Variants in FIG4 observed in about 807,000 individuals in gnomAD.
FIG4 encodes polyphosphoinositide phosphatase.
FIG4 carries 112 observed loss-of-function variants against 118.6 expected under a neutral mutation model. The ratio of observed to expected loss-of-function variants is 0.94; its 90% CI spans 0.81 to 1.11. FIG4 has a LOEUF of 1.11. FIG4 is among the 50% of genes least tolerant of loss of function. The pLI, the probability that FIG4 is intolerant of heterozygous loss-of-function variation, is 0.00. For missense variants in FIG4, 969 were observed against 1,111.7 expected, an observed-to-expected ratio of 0.87 and a Z score of 1.83; for synonymous variants, 369 against 381.2, an observed-to-expected ratio of 0.97 and a Z score of 0.37.
At chr6:109,762,306 T>A (rs1479944537) in intron 12 of FIG4, 99 bp downstream of exon 12, 1 of 774,816 alleles carries the variant, frequency 1.3e-6, no homozygotes, top group Non-Finnish European at 2.3e-6. Flanking sequence ...TGGATGAATT[T>A]AGTCCTGGGG....
intron 15 of FIG4, among the ~76,000 whole-genome samples, chr6:109,774,751 G>A (rs1049739917): frequency 6.6e-6 from 1 of 152,046 alleles, no homozygotes; most frequent in Non-Finnish European, 1.5e-5. Context: ...GTGTGTACCT[G>A]TTTTTCTATT....
At chr6:109,722,626 A>T (rs1328843967) in intron 3 of FIG4, among the ~76,000 whole-genome samples, 1 of 151,906 alleles carries the variant, frequency 6.6e-6, no homozygotes, top group African/African-American at 2.4e-5. Context: ...ATATATATAT[A>T]TTTTAGTACT....
intron 22 of FIG4, among the ~76,000 whole-genome samples, chr6:109,820,108 C>T (rs1050075332): frequency 2.0e-4 from 31 of 152,088 alleles, no homozygotes; most frequent in Non-Finnish European, 4.0e-4. Flanking sequence ...AGGTACTGGT[C>T]CAACTCTGTC....
At chr6:109,698,189 G>GTTT (rs56943757) in intron 1 of FIG4, among the ~76,000 whole-genome samples, 1 of 145,214 alleles carries the variant, frequency 6.9e-6, no homozygotes. Context: ...TGCCTGGCCT[G>GTTT]TTTTTTTTTT....
chr6:109,812,567 G>T (rs1778750071), intron 22 of FIG4, among the ~76,000 whole-genome samples: 2 of 152,226 alleles, frequency 1.3e-5, no homozygotes, highest in South Asian at 4.1e-4. Flanking sequence ...AGAGAAGAAA[G>T]TGTTTCAAGA....
intron 10 of FIG4, among the ~76,000 whole-genome samples, chr6:109,753,678 C>T (rs1016448299): frequency 6.6e-6 from 1 of 151,612 alleles, no homozygotes; most frequent in Non-Finnish European, 1.5e-5. Flanking sequence ...AAGTTGGATT[C>T]CTAGGTATTT....
chr6:109,752,540 G>GT (rs1476645185), intron 10 of FIG4, among the ~76,000 whole-genome samples: 9 of 152,162 alleles, frequency 5.9e-5, no homozygotes, highest in Admixed American at 2.0e-4. Context: ...TCTAACTGGT[G>GT]TGAGATGGTA....
At chr6:109,790,876 ATAAAATT>A (rs1277268593) in intron 19 of FIG4, among the ~76,000 whole-genome samples, 2 of 152,200 alleles carry the variant, frequency 1.3e-5, no homozygotes, top group Admixed American at 6.5e-5. Context: ...TAATAACACA[ATAAAATT>A]TAAAATGTAG....
In FIG4 at chr6:109,727,098, T is replaced by C. The variant is rs554654723; in HGVS notation, c.290-11T>C. The stretch of plus-strand genomic sequence containing the variant: ...TATAAAGCATATTTCTCTTTATTTT[T>C]TGTTGCATAGGTTTTGTCAGGTTCT... On this transcript the variant is annotated splice_polypyrimidine_tract_variant and intron_variant, in intron 3 of 22. Transcript: ENST00000230124. 6.3e-7 allele frequency: 1 copy of C among 1,599,046 alleles called. No individual in the cohort carries two copies. The highest frequency in any genetic ancestry group is 1.3e-5 in the African/African-American group (1 of 74,764).
chr6:109,693,887 A>G (rs1047153508), intron 1 of FIG4, among the ~76,000 whole-genome samples: 1 of 142,412 alleles, frequency 7.0e-6, no homozygotes, highest in Admixed American at 6.9e-5. Flanking sequence ...GGTTAAAGAT[A>G]TAAGCAGAAA....
chr6:109,741,958 A>G (rs1040788509), intron 8 of FIG4, among the ~76,000 whole-genome samples: 1 of 152,070 alleles, frequency 6.6e-6, no homozygotes, highest in African/African-American at 2.4e-5. Flanking sequence ...TTTCTGTCTG[A>G]GATTGGTTGA....
intron 22 of FIG4, among the ~76,000 whole-genome samples, chr6:109,822,787 GTATATATATATATATATATATATATATA>G (rs10523453): frequency 2.5e-5 from 3 of 120,432 alleles, no homozygotes; most frequent in Admixed American, 8.3e-5. Context: ...GTGTGTGTAT[GTATATATATATATATATATATATATATA>G]TATATATATA....
Position 109,789,493 on chromosome 6 carries a change from G to C in FIG4, c.2097-101G>C, listed in dbSNP as rs1778077044. 3.4e-6 allele frequency: 3 copies of C among 874,886 alleles called. No individual in the cohort carries two copies. The South Asian group carries it at 4.1e-5, about 12-fold the overall frequency. 54.2% of individuals were successfully genotyped at this position (874,886 alleles called of 1,614,324 possible). On this transcript the variant is annotated intron_variant, in intron 18 of 22. Transcript: ENST00000230124. ...CAGAATATGTAATATGTAACTCCTA[G>C]AGTTAAGAAGGAATATTGTAAGAGT... is the stretch of plus-strand genomic sequence containing the variant.
At chr6:109,799,473 A>T (rs1359917840) in intron 22 of FIG4, among the ~76,000 whole-genome samples, 25 of 152,228 alleles carry the variant, frequency 1.6e-4, no homozygotes. Context: ...GCTATGTCCA[A>T]ACCAAGAGAA....
intron 3 of FIG4, among the ~76,000 whole-genome samples, chr6:109,719,585 G>A (rs1391425110): frequency 6.6e-6 from 1 of 151,716 alleles, no homozygotes; most frequent in Non-Finnish European, 1.5e-5. Flanking sequence ...TAGAGGTGAT[G>A]GTCTCACTTT....
chr6:109,707,417 CTATACATATATACA>C (rs1775118527), intron 1 of FIG4, among the ~76,000 whole-genome samples: 1 of 144,788 alleles, frequency 6.9e-6, no homozygotes, highest in Non-Finnish European at 1.5e-5. Flanking sequence ...ACATATATAC[CTATACATATATACA>C]TATATATACA....
intron 1 of FIG4, among the ~76,000 whole-genome samples, chr6:109,695,601 G>GACACACACACACAC (rs202167631): frequency 6.1e-4 from 61 of 99,340 alleles, no homozygotes; most frequent in East Asian, 3.1e-3. Flanking sequence ...CACACACACA[G>GACACACACACACAC]ACACACACAC....
At chr6:109,758,516 C>G (rs1050809084) in intron 10 of FIG4, among the ~76,000 whole-genome samples, 4 of 152,180 alleles carry the variant, frequency 2.6e-5, no homozygotes, top group African/African-American at 9.7e-5. Flanking sequence ...TAGAAGAAAA[C>G]CTAGGCAATA....
chr6:109,691,396 A>T lies in FIG4; in HGVS notation c.-40A>T, dbSNP rs1399192445. 6.5e-7 allele frequency: 1 copy of T among 1,541,066 alleles called. No individual in the cohort carries two copies. Among genetic ancestry groups the T allele is most frequent in the Non-Finnish European group, 8.8e-7 (1 of 1,135,752 alleles). ...CGCCGAGTCTCCTGGGGCGGTCCGG[A>T]GGCTCGTGCCCTGTTGTGGGGCCCC... On this transcript the variant is annotated 5_prime_UTR_variant, in exon 1 of 23. Coordinates refer to ENST00000230124, the MANE Select transcript of FIG4 (RefSeq NM_014845.6).
Sources: allele counts gnomAD v4.1 joint callset (sites outside exome capture counted in the v4.1 genomes callset), GRCh38; gene constraint gnomAD v4.1.1; transcripts MANE v1.5; gene names NCBI Gene and HGNC (gene_info 2026-07-23, HGNC 2026-07-21).